Variants in MAP3K10 observed in about 807,000 individuals in gnomAD.
MAP3K10 encodes mitogen-activated protein kinase kinase kinase 10.
Under a neutral mutation model 75.0 loss-of-function variants are expected in MAP3K10, and 22 were observed. The observed-to-expected ratio is 0.29, with a 90% confidence interval of 0.21 to 0.42. MAP3K10 has a LOEUF of 0.42. MAP3K10 is among the 10% of genes least tolerant of loss of function. The pLI, the probability that MAP3K10 is intolerant of heterozygous loss-of-function variation, is 1.00. For missense variants in MAP3K10, 1,165 were observed against 1,379.8 expected, an observed-to-expected ratio of 0.84 and a Z score of 2.47; for synonymous variants, 599 against 612.9, an observed-to-expected ratio of 0.98 and a Z score of 0.34.
In MAP3K10 at chr19:40,209,139, C is replaced by T. The variant is rs906175891; in HGVS notation, c.1472C>T (p.Thr491Ile). 13 of 1,614,226 alleles carry T rather than the reference C, an allele frequency of 8.1e-6. No individual in the cohort carries two copies. The highest frequency in any genetic ancestry group is 1.1e-5 in the Non-Finnish European group (13 of 1,180,012). ...EHKITVQASP[T>I]LDKRKGSDGA... is the part of the protein sequence containing the mutation. ...AAGATCACAGTCCAGGCCTCTCCAA[C>T]TCTGGATAAGCGGAAAGGATCCGAT... The change falls in exon 6 of 10, where the codon ACT (threonine) becomes ATT (isoleucine). Residue 491 changes from threonine (T) to isoleucine (I), a missense_variant. By Grantham distance (89) the Thr-to-Ile change is moderately conservative. This residue lies in a region of MAP3K10 where 575 missense variants were observed against 793.2 expected (regional missense o/e 0.72). Coordinates refer to ENST00000253055, the MANE Select transcript of MAP3K10 (RefSeq NM_002446.4).
chr19:40,198,507 C>G lies in MAP3K10; in HGVS notation c.815C>G (p.Pro272Arg). 1 of 1,613,978 alleles carries G rather than the reference C, an allele frequency of 6.2e-7. No homozygotes were observed. Residue 272 changes from proline (P) to arginine (R), a missense_variant, in exon 2 of 10, where the codon CCG becomes CGG. Pro to Arg is a moderately radical substitution (Grantham distance 103). This residue lies in a region of MAP3K10 where 575 missense variants were observed against 793.2 expected (regional missense o/e 0.72). Transcript: ENST00000253055. The surrounding 1 kb of genome is among the most constrained non-coding windows in gnomAD (Gnocchi z 4.3). The part of the protein sequence containing the change: ...SAAGTYAWMA[P>R]EVIRLSLFSK... ...GCGGGGACCTACGCCTGGATGGCGC[C>G]GGAGGTTATCCGTCTCTCCCTCTTC...
Position 40,205,445 on chromosome 19 carries a change from T to G in MAP3K10, c.1188+149T>G. The G allele has an allele frequency of 1.3e-6, 1 of 759,238 alleles. No individual in the cohort carries two copies. The highest frequency in any genetic ancestry group is 2.1e-6 in the Non-Finnish European group (1 of 475,714). The allele number at this position is 759,238 out of a possible 1,614,324, so 47.0% of individuals were successfully genotyped here. On this transcript the variant is annotated intron_variant, in intron 4 of 9. Transcript: ENST00000253055. The surrounding 1 kb of genome is among the most constrained non-coding windows in gnomAD (Gnocchi z 4.3). ...TTTTGCATATTAAGAAAAGACAGCC[T>G]CCTGTTGGTGGATTAATAAGAAAAA... is the stretch of plus-strand genomic sequence containing the variant.
At chr19:40,201,212 G>A (rs917810324) in intron 2 of MAP3K10, among the ~76,000 whole-genome samples, 4 of 143,224 alleles carry the variant, frequency 2.8e-5, no homozygotes, top group African/African-American at 5.2e-5. Flanking sequence ...TTGCTCTGTC[G>A]CCCAGGCCGG....
chr19:40,193,410 A>C (rs1159516172), intron 1 of MAP3K10, among the ~76,000 whole-genome samples: 1 of 152,232 alleles, frequency 6.6e-6, no homozygotes, highest in African/African-American at 2.4e-5. Flanking sequence ...GCTGCCTGAT[A>C]GGTTCTCCAA....
intron 5 of MAP3K10, 102 bp from the exon 6 acceptor site, chr19:40,209,001 G>A: frequency 1.2e-6 from 1 of 808,150 alleles, no homozygotes; most frequent in Non-Finnish European, 2.1e-6. Context: ...AAAAATGGCG[G>A]TGTTCCCATT....
chr19:40,198,569 C>A lies in MAP3K10; in HGVS notation c.863+14C>A, dbSNP rs755400028. On this transcript the variant is annotated intron_variant, in intron 2 of 9. Transcript: ENST00000253055. The surrounding 1 kb of genome is among the most constrained non-coding windows in gnomAD (Gnocchi z 4.3). ...TGATGTCTGGAGGTGCTGAAAGGCG[C>A]GGCCGGGATGGCCTCTGGGGAGTAA... is the stretch of plus-strand genomic sequence containing the variant. The A allele has an allele frequency of 1.3e-6, 2 of 1,598,824 alleles. No individual in the cohort carries two copies. The highest frequency in any genetic ancestry group is 1.7e-6 in the Non-Finnish European group (2 of 1,169,792).
rs1429667104 is a variant in MAP3K10, at chr19:40,205,892, C to T, written c.1189-19C>T. On this transcript the variant is annotated intron_variant, in intron 4 of 9. Transcript: ENST00000253055. This position sits in a 1 kb window ranked among gnomAD's most constrained non-coding sequence, Gnocchi z 4.3. The stretch of plus-strand genomic sequence containing the variant: ...GAGCAGCTAAGCCCCTCCCCCCAGC[C>T]ACCGCCTCTCCTTCCCAGGAGCTTC... 1 of 1,513,368 alleles carries T rather than the reference C, an allele frequency of 6.6e-7. No homozygotes were observed. The highest frequency in any genetic ancestry group is 8.9e-7 in the Non-Finnish European group (1 of 1,126,566). The allele number at this position is 1,513,368 out of a possible 1,614,324, so 93.7% of individuals were successfully genotyped here.
At position 40,213,996 on chromosome 19, in the gene MAP3K10, G is replaced by A. The variant is rs1226010589; in HGVS notation, c.2317G>A (p.Ala773Thr). The stretch of plus-strand genomic sequence containing the variant: ...TGACAGTGACGAGGCCGCACCGGCC[G>A]CGCCCTCCCCACCACCCTCCCCGCC... ...RSDSDEAAPA[A>T]PSPPPSPPAP... The change falls in exon 9 of 10, where the codon GCG becomes ACG. Residue 773 changes from alanine (A) to threonine (T), a missense_variant. Ala to Thr is a moderately conservative substitution (Grantham distance 58). This residue lies in a region of MAP3K10 where 590 missense variants were observed against 586.6 expected (regional missense o/e 1.01). Transcript: ENST00000253055. This position sits in a 1 kb window ranked among gnomAD's most constrained non-coding sequence, Gnocchi z 5.7. 5 of 1,525,464 alleles carry A rather than the reference G, an allele frequency of 3.3e-6. No individual in the cohort carries two copies. In the East Asian group the frequency reaches 7.6e-5, roughly 23 times the overall value. 94.5% of individuals were successfully genotyped at this position (1,525,464 alleles called of 1,614,324 possible). A position where few individuals can be genotyped will look rare whatever the true frequency, so the allele number is the denominator to read the frequency against.
At position 40,214,110 on chromosome 19, in the gene MAP3K10, A is replaced by G. The variant is rs1338533135; in HGVS notation, c.2431A>G (p.Thr811Ala). ...CAAGAAGGACCCCCGCCAGTCGCTC[A>G]CGCCCACCCACGTCACGGCTGCATG... ...SFKKDPRQSL[T>A]PTHVTAACAV... The change falls in exon 9 of 10, where the codon ACG (threonine) becomes GCG (alanine). Residue 811 changes from threonine to alanine, a missense_variant. This residue lies in a region of MAP3K10 where 590 missense variants were observed against 586.6 expected (regional missense o/e 1.01). Transcript: ENST00000253055. 6.4e-7 allele frequency: 1 copy of G among 1,563,374 alleles called. No homozygotes were observed. The highest frequency in any genetic ancestry group is 8.6e-7 in the Non-Finnish European group (1 of 1,163,740).
chr19:40,200,978 C>T (rs560997671), intron 2 of MAP3K10, among the ~76,000 whole-genome samples: 2 of 152,032 alleles, frequency 1.3e-5, no homozygotes, highest in Admixed American at 1.3e-4. Flanking sequence ...CCACACCTCC[C>T]CGCCATAAAC....
Position 40,214,981 on chromosome 19 carries a change from CT to C in MAP3K10, c.2556del (p.Leu853TrpfsTer29), listed in dbSNP as rs1461342795. 6.4e-6 allele frequency: 10 copies of C among 1,567,404 alleles called. No individual in the cohort carries two copies. The Admixed American group carries it at 1.5e-4, about 24-fold the overall frequency. On this transcript the variant is annotated frameshift_variant, in exon 10 of 10. Transcript: ENST00000253055. LOFTEE classifies it high-confidence loss of function. ...ACCTCTCTTACCAGGCCCTCGTGAC[CT>C]TCTGGACTTCCCCCGCCTGCCCGAC... ...PAGHGPGPRD[L>X]LDFPRLPDPQ... is the part of the protein sequence containing the mutation.
chr19:40,202,287 G>A (rs554493967), intron 2 of MAP3K10, among the ~76,000 whole-genome samples: 44 of 152,198 alleles, frequency 2.9e-4, no homozygotes, highest in Admixed American at 8.5e-4. Flanking sequence ...TGATCCGCCC[G>A]CCTCGGCCTC....
At chr19:40,194,641 C>A (rs1568486493) in intron 1 of MAP3K10, among the ~76,000 whole-genome samples, 1 of 152,168 alleles carries the variant, frequency 6.6e-6, no homozygotes, top group Non-Finnish European at 1.5e-5. Context: ...TGCTCTGTGC[C>A]AGAAACAGAG....
intron 9 of MAP3K10, 28 bp downstream of exon 9, chr19:40,214,249 A>G (rs1973307687): frequency 2.2e-6 from 3 of 1,369,224 alleles, no homozygotes; most frequent in African/African-American, 3.1e-5. Context: ...CACCCAGGTC[A>G]CAGAAAACCC....
chr19:40,207,345 T>A (rs1973142287), intron 5 of MAP3K10, among the ~76,000 whole-genome samples: 1 of 152,168 alleles, frequency 6.6e-6, no homozygotes, highest in Admixed American at 6.6e-5. Flanking sequence ...TAAGCAGCAG[T>A]GGCCAGTGGA....
rs750140605 is a variant in MAP3K10, at chr19:40,212,911, G to A, written c.1659G>A (p.Lys553=). Residue 553 remains lysine, a synonymous_variant, in exon 7 of 10, where the codon AAG becomes AAA. Coordinates refer to ENST00000253055, the MANE Select transcript of MAP3K10 (RefSeq NM_002446.4). The surrounding 1 kb of genome is among the most constrained non-coding windows in gnomAD (Gnocchi z 4.2). The stretch of plus-strand genomic sequence containing the variant: ...AGAAGGAAGAACTGGTCGGGGGCAA[G>A]AAGAAGGGACGAACGTGGGGGCCCA... ...PPKKEELVGG[K]KKGRTWGPSS... 10 of 1,613,522 alleles carry A rather than the reference G, an allele frequency of 6.2e-6. No individual in the cohort carries two copies. In the Admixed American group the frequency reaches 1.5e-4, roughly 24 times the overall value.
In MAP3K10 at chr19:40,214,992, C is replaced by T. The variant is rs1830878362; in HGVS notation, c.2565C>T (p.Phe855=). Residue 855 remains phenylalanine (F), a synonymous_variant, in exon 10 of 10, where the codon TTC becomes TTT. Transcript: ENST00000253055. ...HGPGPRDLLD[F]PRLPDPQALF... ...CAGGCCCTCGTGACCTTCTGGACTT[C>T]CCCCGCCTGCCCGACCCCCAGGCCC... The T allele has an allele frequency of 3.8e-6, 6 of 1,578,286 alleles. No individual in the cohort carries two copies. The highest frequency in any genetic ancestry group is 5.2e-6 in the Non-Finnish European group (6 of 1,156,066).
Position 40,213,693 on chromosome 19 carries a change from G to A in MAP3K10, c.2014G>A (p.Asp672Asn), listed in dbSNP as rs896723723. The A allele has an allele frequency of 2.8e-6, 3 of 1,088,558 alleles. No individual in the cohort carries two copies. Among genetic ancestry groups the A allele is most frequent in the Non-Finnish European group, 3.4e-6 (3 of 894,650 alleles). 67.4% of individuals were successfully genotyped at this position (1,088,558 alleles called of 1,614,324 possible). ...RWGHGARRRC[D>N]LALLGCATLL... is the part of the protein sequence containing the mutation. Reference sequence around the variant, plus strand: ...GGGACACGGCGCCCGGCGGCGCTGCGACCTGGCGCTGCTAGGCTGCGCCAC... The same window carrying A: ...GGGACACGGCGCCCGGCGGCGCTGCAACCTGGCGCTGCTAGGCTGCGCCAC... Residue 672 changes from aspartate to asparagine, a missense_variant, in exon 9 of 10, where the codon GAC becomes AAC. Physicochemically the swap from Asp to Asn is conservative, Grantham distance 23. This residue lies in a region of MAP3K10 where 590 missense variants were observed against 586.6 expected (regional missense o/e 1.01). Coordinates refer to ENST00000253055, the MANE Select transcript of MAP3K10 (RefSeq NM_002446.4). The surrounding 1 kb of genome is among the most constrained non-coding windows in gnomAD (Gnocchi z 5.7).
At position 40,213,915 on chromosome 19, in the gene MAP3K10, C is replaced by T; in HGVS notation, c.2236C>T (p.Leu746Phe). The change falls in exon 9 of 10, where the codon CTC (leucine) becomes TTC (phenylalanine). Residue 746 changes from leucine to phenylalanine, a missense_variant. Around this residue, in one of 2 missense-constraint regions of MAP3K10, gnomAD observed 590 missense variants for 586.6 expected, o/e 1.01. Transcript: ENST00000253055. This position sits in a 1 kb window ranked among gnomAD's most constrained non-coding sequence, Gnocchi z 5.7. ...CCTGGGCCTGGCGCCCTCGGCCACC[C>T]TCGTGTCGCTGTCGTCCGTGTCCGA... ...PGLGLAPSATLVSLSSVSDCN... is the reference protein window; with the variant it reads ...PGLGLAPSATFVSLSSVSDCN... 6.6e-6 allele frequency: 10 copies of T among 1,518,854 alleles called. No homozygotes were observed. The highest frequency in any genetic ancestry group is 1.4e-5 in the African/African-American group (1 of 69,932). 94.1% of individuals were successfully genotyped at this position (1,518,854 alleles called of 1,614,324 possible). A position where few individuals can be genotyped will look rare whatever the true frequency, so the allele number is the denominator to read the frequency against.
Sources: gnomAD v4.1 joint callset for allele counts (sites outside exome capture counted in the v4.1 genomes callset) on GRCh38, gnomAD v4.1.1 for gene constraint, gnomAD v4.1.1 regional missense constraint, Gnocchi (gnomAD v3.1) non-coding constraint, MANE v1.5 for transcripts, NCBI Gene and HGNC (gene_info 2026-07-23, HGNC 2026-07-21) for gene names.